ZNF570: variants seen among roughly 807,000 people sequenced by gnomAD.
ZNF570 encodes the protein zinc finger protein 570.
Under a neutral mutation model 14.2 loss-of-function variants are expected in ZNF570, and 8 were observed. The ratio of observed to expected loss-of-function variants is 0.56; its 90% CI spans 0.33 to 1.02. The LOEUF is 1.02. Ranked by LOEUF, ZNF570 falls within the 50% of genes least tolerant of loss-of-function variation. The probability of loss-of-function intolerance (pLI) is 0.03; values close to 1 mark genes in which losing one functional copy is unlikely to be tolerated. For synonymous variants in ZNF570, 202 were observed against 207.6 expected (o/e 0.97, Z 0.23); for missense variants, 559 against 624.9 (o/e 0.89, Z 1.12).
chr19:37,484,513 T>A lies in ZNF570; in HGVS notation c.891T>A (p.Thr297=). ...TAGTTCAACATCTGCGAGTTCATAC[T>A]GGAGAAAAACCTTACGAATGTAAGG... ...AHLVQHLRVH[T]GEKPYECKVC... Residue 297 remains threonine, a synonymous_variant, in exon 5 of 5, where the codon ACT becomes ACA. Transcript: ENST00000330173. 1.2e-6 allele frequency: 2 copies of A among 1,614,002 alleles called. No individual in the cohort carries two copies. The highest frequency in any genetic ancestry group is 1.7e-6 in the Non-Finnish European group (2 of 1,179,970).
upstream of ZNF570, chr19:37,468,094 GTTTT>G (rs145332123): frequency 9.0e-6 from 6 of 663,734 alleles, no homozygotes; most frequent in African/African-American, 9.9e-5. Context: ...TGTTTGTTTT[GTTTT>G]TTTTGAGGCA....
chr19:37,468,900 C>G, upstream of ZNF570: 3 of 189,910 alleles, frequency 1.6e-5, no homozygotes, highest in Non-Finnish European at 2.8e-5. Context: ...CAATTTTTTT[C>G]GGGTATCCAG....
At chr19:37,471,009 ATTTTTT>A (rs764609936) in intron 2 of ZNF570, among the ~76,000 whole-genome samples, 2 of 84,372 alleles carry the variant, frequency 2.4e-5, no homozygotes, top group South Asian at 4.8e-4. Flanking sequence ...CAGTGAGTAC[ATTTTTT>A]TTTTTTTTTT....
upstream of ZNF570, chr19:37,468,080 T>G (rs1379880273): frequency 2.8e-6 from 2 of 720,642 alleles, no homozygotes; most frequent in Non-Finnish European, 4.5e-6. Context: ...TGTTTTTTTT[T>G]TTTTGTTTGT....
At chr19:37,472,480 G>T (rs746617554) in intron 2 of ZNF570, among the ~76,000 whole-genome samples, 1 of 152,050 alleles carries the variant, frequency 6.6e-6, no homozygotes, top group Non-Finnish European at 1.5e-5. Flanking sequence ...GGTGACTCAC[G>T]CCTGTAATCC....
intron 4 of ZNF570, among the ~76,000 whole-genome samples, chr19:37,481,447 C>T (rs765891332): frequency 6.6e-6 from 1 of 152,200 alleles, no homozygotes; most frequent in Non-Finnish European, 1.5e-5. Flanking sequence ...GCCATTGTGC[C>T]CGGTGACAGA....
chr19:37,476,565 C>A (rs2042026661), intron 4 of ZNF570, 131 bp downstream of exon 4: 9 of 1,296,806 alleles, frequency 6.9e-6, no homozygotes, highest in Non-Finnish European at 9.0e-6. Context: ...AATTTGGGGC[C>A]ATTTAGGATG....
intron 2 of ZNF570, 100 bp downstream of exon 2, chr19:37,470,487 A>G (rs958025154): frequency 8.5e-6 from 9 of 1,061,168 alleles, no homozygotes; most frequent in Non-Finnish European, 1.3e-5. Flanking sequence ...GTAACCAGTC[A>G]TGTCCCTTAT....
chr19:37,472,791 G>T (rs1293016910), intron 2 of ZNF570, among the ~76,000 whole-genome samples: 2 of 150,856 alleles, frequency 1.3e-5, no homozygotes, highest in African/African-American at 4.9e-5. Flanking sequence ...AACTGAAGGA[G>T]AAAGTCATAA....
chr19:37,478,258 T>G (rs1350487348), intron 4 of ZNF570, among the ~76,000 whole-genome samples: 1 of 152,182 alleles, frequency 6.6e-6, no homozygotes, highest in Non-Finnish European at 1.5e-5. Flanking sequence ...TTTCAGTGTT[T>G]TATAATTTTC....
chr19:37,473,260 T>C (rs1040150760), intron 2 of ZNF570, among the ~76,000 whole-genome samples: 3 of 152,198 alleles, frequency 2.0e-5, no homozygotes, highest in African/African-American at 7.2e-5. Flanking sequence ...TGAGACTGCT[T>C]AGCATGGTTG....
upstream of ZNF570, chr19:37,469,222 G>A (rs2041908876): frequency 7.6e-7 from 1 of 1,320,152 alleles, no homozygotes; most frequent in Non-Finnish European, 9.7e-7. Flanking sequence ...CAAACCCTGC[G>A]CGGAGCTGCA....
chr19:37,484,418 A>C lies in ZNF570; in HGVS notation c.796A>C (p.Arg266=). Residue 266 remains arginine (R), a synonymous_variant, in exon 5 of 5, where the codon AGG becomes CGG. Transcript: ENST00000330173. ...SQRSNLVQHQ[R]IHTGEKPYEC... is the part of the protein sequence containing the mutation. Reference sequence around the variant, plus strand: ...GAGATCAAATCTTGTTCAACATCAGAGGATTCATACTGGAGAAAAACCCTA... The same window carrying C: ...GAGATCAAATCTTGTTCAACATCAGCGGATTCATACTGGAGAAAAACCCTA... 1.2e-5 allele frequency: 20 copies of C among 1,614,166 alleles called. No individual in the cohort carries two copies. Among genetic ancestry groups the C allele is most frequent in the Non-Finnish European group, 1.4e-5 (17 of 1,180,028 alleles).
At chr19:37,483,442 T>C (rs2042109465) in intron 4 of ZNF570, among the ~76,000 whole-genome samples, 1 of 152,234 alleles carries the variant, frequency 6.6e-6, no homozygotes, top group African/African-American at 2.4e-5. Context: ...ACTTATTTTC[T>C]GTCTCTTCTA....
In ZNF570 at chr19:37,484,783, A is replaced by G. The variant is rs2042132642; in HGVS notation, c.1161A>G (p.Glu387=). 5.0e-6 allele frequency: 8 copies of G among 1,613,946 alleles called. No individual in the cohort carries two copies. Among genetic ancestry groups the G allele is most frequent in the Non-Finnish European group, 6.8e-6 (8 of 1,180,006 alleles). ...TACATACTGGAGAGAGACCCTATGA[A>G]TGTAAGGAATGTGGGAAGGCCTTTA... ...QRIHTGERPY[E]CKECGKAFSQ... is the part of the protein sequence containing the mutation. The change falls in exon 5 of 5, where the codon GAA becomes GAG. Residue 387 remains glutamate, a synonymous_variant. Coordinates refer to ENST00000330173, the MANE Select transcript of ZNF570 (RefSeq NM_144694.5).
chr19:37,469,328 GTCC>G (rs1200107151), upstream of ZNF570: 3 of 1,416,518 alleles, frequency 2.1e-6, no homozygotes, highest in African/African-American at 4.3e-5. Flanking sequence ...GCCCCTTTGT[GTCC>G]TCCGGGGGCG....
upstream of ZNF570, chr19:37,469,164 C>T: frequency 8.6e-7 from 1 of 1,168,812 alleles, no homozygotes. Context: ...TCTGGAAGGC[C>T]GGGGAGAGGC....
At position 37,487,362 on chromosome 19, in the gene ZNF570, TA is replaced by T. The variant is rs2042167099; in HGVS notation, c.*2131del. 7.2e-6 allele frequency: 1 copy of T among 138,032 alleles called. No homozygotes were observed. The highest frequency in any genetic ancestry group is 1.5e-5 in the Non-Finnish European group (1 of 66,298). 8.6% of individuals were successfully genotyped at this position (138,032 alleles called of 1,614,324 possible). On this transcript the variant is annotated 3_prime_UTR_variant, in exon 5 of 5. Coordinates refer to ENST00000330173, the MANE Select transcript of ZNF570 (RefSeq NM_144694.5). ...TGCAAAATTGAAATCAAAAGGGGAT[TA>T]AGGGAAGAAAACAGATAGATACACA... is the stretch of plus-strand genomic sequence containing the variant.
At position 37,469,526 on chromosome 19, in the gene ZNF570, AG is replaced by A. The variant is rs1309722776; in HGVS notation, c.-81del. 3.9e-6 allele frequency: 6 copies of A among 1,536,138 alleles called. No homozygotes were observed. The highest frequency in any genetic ancestry group is 5.2e-6 in the Non-Finnish European group (6 of 1,146,836). On this transcript the variant is annotated 5_prime_UTR_variant, in exon 1 of 5. Coordinates refer to ENST00000330173, the MANE Select transcript of ZNF570 (RefSeq NM_144694.5). The stretch of plus-strand genomic sequence containing the variant: ...GTGTGGGTCTCCGGAAGCTCGTCGC[AG>A]GCCATCTGTGTGACTCCGGTGCGAG...
Sources: allele counts gnomAD v4.1 joint callset (sites outside exome capture counted in the v4.1 genomes callset), GRCh38; gene constraint gnomAD v4.1.1; transcripts MANE v1.5; gene names NCBI Gene and HGNC (gene_info 2026-07-23, HGNC 2026-07-21).